Variants in MGRN1 observed in about 807,000 individuals in gnomAD.
MGRN1 encodes mahogunin ring finger 1, also known as E3 ubiquitin-protein ligase MGRN1.
In MGRN1, 29 loss-of-function variants were observed where a neutral mutation model predicts 69.2. That is an observed-to-expected ratio of 0.42 (90% CI 0.31 to 0.57). The LOEUF (loss-of-function observed/expected upper bound fraction) is 0.57, where lower values mean the gene tolerates loss of function less well. Among genes scored for constraint, MGRN1 ranks in the 20% least tolerant of loss-of-function variants. The pLI is 0.15. For synonymous variants in MGRN1, 470 were observed against 344.2 expected (o/e 1.37, Z -4.04); for missense variants, 998 against 796.2 (o/e 1.25, Z -3.05).
intron 5 of MGRN1, among the ~76,000 whole-genome samples, chr16:4,658,365 C>T (rs1221136099): frequency 6.6e-6 from 1 of 151,396 alleles, no homozygotes; most frequent in African/African-American, 2.4e-5. Flanking sequence ...GAAACCCCGT[C>T]TCTACTAAAA....
chr16:4,633,098 T>C (rs1250124454), intron 1 of MGRN1, among the ~76,000 whole-genome samples: 5 of 151,780 alleles, frequency 3.3e-5, no homozygotes, highest in African/African-American at 1.2e-4. Context: ...AATAAATTAA[T>C]AAAATTTGGC....
chr16:4,647,039 C>T (rs958378431), intron 1 of MGRN1, among the ~76,000 whole-genome samples: 13 of 152,256 alleles, frequency 8.5e-5, no homozygotes, highest in Non-Finnish European at 1.9e-4. Context: ...GGGCTGATCA[C>T]TGCTAAGGGT....
chr16:4,649,318 A>G (rs117138557), intron 1 of MGRN1: 3,084 of 152,348 alleles, frequency 0.02, 54 homozygotes, highest in Non-Finnish European at 0.028. Flanking sequence ...GCTGTGACAA[A>G]TGACCTCTAA....
intron 1 of MGRN1, among the ~76,000 whole-genome samples, chr16:4,644,924 TAACA>T (rs1169657120): frequency 3.3e-5 from 5 of 152,312 alleles, no homozygotes; most frequent in South Asian, 2.1e-4. Flanking sequence ...ACCATTGCTT[TAACA>T]AACACTCTTC....
At chr16:4,665,206 G>A (rs1167613524) in intron 7 of MGRN1, 55 bp downstream of exon 7, 3 of 1,596,526 alleles carry the variant, frequency 1.9e-6, no homozygotes, top group South Asian at 1.1e-5. Flanking sequence ...GGCAGGGGGT[G>A]GCCTTTTGAG....
intron 5 of MGRN1, among the ~76,000 whole-genome samples, chr16:4,659,554 G>A (rs1053635854): frequency 6.6e-6 from 1 of 152,218 alleles, no homozygotes; most frequent in Non-Finnish European, 1.5e-5. Context: ...CCTTACCTCT[G>A]TCCCGGACTT....
intron 4 of MGRN1, among the ~76,000 whole-genome samples, chr16:4,653,327 G>A (rs375113714): frequency 1.3e-5 from 2 of 152,218 alleles, no homozygotes; most frequent in African/African-American, 2.4e-5. Context: ...CACCTTCCTC[G>A]TATTCAGCAA....
chr16:4,637,142 TTGAG>T (rs1351856556), intron 1 of MGRN1, among the ~76,000 whole-genome samples: 1 of 125,236 alleles, frequency 8.0e-6, no homozygotes, highest in Non-Finnish European at 1.6e-5. Context: ...AAAAAAAAAA[TTGAG>T]TGGCCAGGTT....
intron 5 of MGRN1, among the ~76,000 whole-genome samples, chr16:4,657,669 G>T (rs2078577866): frequency 1.3e-5 from 2 of 148,590 alleles, no homozygotes; most frequent in Non-Finnish European, 1.5e-5. Flanking sequence ...TGCAGGGTCT[G>T]TTCACACCAG....
chr16:4,688,770 C>T, intron 16 of MGRN1, 26 bp from the exon 17 acceptor site: 4 of 1,523,750 alleles, frequency 2.6e-6, no homozygotes, highest in East Asian at 2.5e-5. Flanking sequence ...CGAGTGTGAC[C>T]CTCCTCCCTC....
intron 16 of MGRN1, chr16:4,686,770 T>A (rs1001512866): frequency 2.0e-6 from 2 of 993,540 alleles, no homozygotes; most frequent in African/African-American, 3.5e-5. Context: ...CCACCATGAG[T>A]TCGCATCGGT....
chr16:4,658,538 A>G lies in MGRN1; in HGVS notation c.561+1175A>G, dbSNP rs1031337115. On this transcript the variant is annotated intron_variant, in intron 5 of 16. Coordinates refer to ENST00000262370, the MANE Select transcript of MGRN1 (RefSeq NM_015246.4). Reference sequence around the variant, plus strand: ...GCGACAGAGTGAGATTCCGTCTCAGAAAAAAAAAAAACAATGTAGACCTTG... The same window carrying G: ...GCGACAGAGTGAGATTCCGTCTCAGGAAAAAAAAAAACAATGTAGACCTTG... Among the ~76,000 whole-genome samples the G allele has an allele frequency of 8.6e-5, 8 of 93,138 alleles. No individual in the cohort carries two copies. The East Asian group carries it at 2.9e-3, about 33-fold the overall frequency. The allele number at this position is 93,138 out of a possible 152,430, so 61.1% of individuals were successfully genotyped here.
At chr16:4,661,457 T>C (rs1163347489) in intron 5 of MGRN1, among the ~76,000 whole-genome samples, 1 of 152,192 alleles carries the variant, frequency 6.6e-6, no homozygotes, top group Non-Finnish European at 1.5e-5. Context: ...GTGTTGACTG[T>C]GTGTTCTGCC....
chr16:4,673,200 C>T (rs552997876), intron 9 of MGRN1, among the ~76,000 whole-genome samples: 1 of 152,120 alleles, frequency 6.6e-6, no homozygotes, highest in Admixed American at 6.5e-5. Context: ...AGATGTGTTT[C>T]TTAGGTGCAT....
intron 11 of MGRN1, among the ~76,000 whole-genome samples, chr16:4,678,957 A>G (rs115159709): frequency 8.7e-4 from 132 of 152,314 alleles, no homozygotes; most frequent in African/African-American, 3.1e-3. Context: ...AAAAGTCTGG[A>G]ATTTCCCTTA....
chr16:4,651,199 T>C (rs1466740372), intron 2 of MGRN1: 7 of 152,250 alleles, frequency 4.6e-5, no homozygotes, highest in Admixed American at 3.9e-4. Flanking sequence ...GGCTAACATC[T>C]TCCCCTCGTT....
chr16:4,682,751 C>T, intron 13 of MGRN1, 72 bp from the exon 14 acceptor site: 1 of 1,433,076 alleles, frequency 7.0e-7, no homozygotes, highest in Non-Finnish European at 9.2e-7. Context: ...AGGTGCCCTG[C>T]ATGGCTTTGG....
At position 4,689,767 on chromosome 16, in the gene MGRN1, CTT is replaced by C. The variant is rs56053584; in HGVS notation, c.*873_*874del. On this transcript the variant is annotated 3_prime_UTR_variant, in exon 17 of 17. Transcript: ENST00000262370. ...GAATGTCCCCTTGCAGTTCTCTTCT[CTT>C]TTTTTTTTTTTTTGAGATGGAGTTT... 87 of 141,380 alleles carry C rather than the reference CTT, an allele frequency of 6.2e-4. No homozygotes were observed. Among genetic ancestry groups the C allele is most frequent in the Non-Finnish European group, 7.3e-4 (47 of 64,776 alleles). 8.8% of individuals were successfully genotyped at this position (141,380 alleles called of 1,614,324 possible).
At chr16:4,665,931 G>A (rs2078793898) in intron 7 of MGRN1, among the ~76,000 whole-genome samples, 1 of 151,736 alleles carries the variant, frequency 6.6e-6, no homozygotes, top group African/African-American at 2.4e-5. Flanking sequence ...CCGGGTTCAT[G>A]CCATTCTCCT....
Sources: allele counts gnomAD v4.1 joint callset (sites outside exome capture counted in the v4.1 genomes callset), GRCh38; gene constraint gnomAD v4.1.1; transcripts MANE v1.5; gene names NCBI Gene and HGNC (gene_info 2026-07-23, HGNC 2026-07-21).